The following RPL28 variants were observed in gnomAD, a reference collection of about 807,000 sequenced individuals.
The protein encoded by RPL28 is large ribosomal subunit protein eL28.
A neutral mutation model predicts 12.5 loss-of-function variants in RPL28; 4 were observed. That is an observed-to-expected ratio of 0.32 (90% CI 0.16 to 0.73). The LOEUF (loss-of-function observed/expected upper bound fraction) is 0.73. Among genes scored for constraint, RPL28 ranks in the 30% least tolerant of loss-of-function variants. RPL28 has a pLI of 0.66. For missense variants in RPL28, 214 were observed against 197.7 expected (o/e 1.08, Z -0.49); for synonymous variants, 91 against 72.5 (o/e 1.26, Z -1.30).
rs541928032 is a variant in RPL28 at position 55,390,655 on chromosome 19, C to A, written c.*2323C>A. ...CTGTGTGGCCTCCCCTGGTCTCATC[C>A]GTAACACAGCCCAGCTTAGTGGGCC... On this transcript the variant is annotated 3_prime_UTR_variant, in exon 5 of 5. Transcript: ENST00000344063. The A allele has an allele frequency of 4.1e-6, 4 of 985,520 alleles. No homozygotes were observed. The highest frequency in any genetic ancestry group is 3.6e-6 in the Non-Finnish European group (3 of 829,988). 61.0% of individuals were successfully genotyped at this position (985,520 alleles called of 1,614,324 possible).
At position 55,387,405 on chromosome 19, in the gene RPL28, C is replaced by T. The variant is rs996005051; in HGVS notation, c.206-525C>T. 165 of 1,547,356 alleles carry T rather than the reference C, an allele frequency of 1.1e-4. 1 individual carries two copies. Among genetic ancestry groups the T allele is most frequent in the Non-Finnish European group, 1.4e-4 (162 of 1,145,144 alleles). Reference sequence around the variant, plus strand: ...CCTCCTGTCTCAGGGACACGTAGTCCAGGGAGCAGCCAATTGCTTGGCACT... The same window carrying T: ...CCTCCTGTCTCAGGGACACGTAGTCTAGGGAGCAGCCAATTGCTTGGCACT... On this transcript the variant is annotated intron_variant, in intron 3 of 4. Coordinates refer to ENST00000344063, the MANE Select transcript of RPL28 (RefSeq NM_000991.5).
intron 4 of RPL28, among the ~76,000 whole-genome samples, chr19:55,398,654 C>G (rs1221987767): frequency 1.3e-5 from 2 of 151,974 alleles, no homozygotes; most frequent in Non-Finnish European, 2.9e-5. Context: ...ATGTTTTTTT[C>G]TTATTCGTTT....
In RPL28 at chr19:55,386,553, T is replaced by G. The variant is rs1444403542; in HGVS notation, c.82-17T>G. On this transcript the variant is annotated splice_polypyrimidine_tract_variant and intron_variant, in intron 2 of 4. Transcript: ENST00000344063. ...CGGGTCCCTTATTCACGATGCCTTG[T>G]GCCGCCTCCTTCCCAGGAGCCCAAT... 6.2e-7 allele frequency: 1 copy of G among 1,602,468 alleles called. No individual in the cohort carries two copies. The highest frequency in any genetic ancestry group is 8.5e-7 in the Non-Finnish European group (1 of 1,170,372).
Position 55,388,295 on chromosome 19 carries a change from T to C in RPL28, c.377T>C (p.Val126Ala). 1 of 1,584,246 alleles carries C rather than the reference T, an allele frequency of 6.3e-7. No homozygotes were observed. The highest frequency in any genetic ancestry group is 8.6e-7 in the Non-Finnish European group (1 of 1,165,696). The stretch of plus-strand genomic sequence containing the variant: ...CTGCGCAGCCAGAAGCCTGTGATGG[T>C]GAAGAGGAAGCGGACCCGCCCCACC... Reference protein sequence around the residue: ...AILRSQKPVMVKRKRTRPTKS... With the variant: ...AILRSQKPVMAKRKRTRPTKS... The change falls in exon 5 of 5, where the codon GTG becomes GCG. Residue 126 changes from valine (V) to alanine (A), a missense_variant. By Grantham distance (64) the Val-to-Ala change is moderately conservative. Transcript: ENST00000344063.
Position 55,388,571 on chromosome 19 carries a change from GT to G in RPL28, c.*242del. 1.6e-6 allele frequency: 2 copies of G among 1,250,158 alleles called. No homozygotes were observed. The highest frequency in any genetic ancestry group is 2.0e-6 in the Non-Finnish European group (2 of 997,676). 77.4% of individuals were successfully genotyped at this position (1,250,158 alleles called of 1,614,324 possible). ...AAGGGTCACTGTCTTCACAGAAAAA[GT>G]TTGCTGACTTGTGATTGAGACCTAC... On this transcript the variant is annotated 3_prime_UTR_variant, in exon 5 of 5. Coordinates refer to ENST00000344063, the MANE Select transcript of RPL28 (RefSeq NM_000991.5).
At chr19:55,387,614 G>A in intron 3 of RPL28, 5 of 1,397,266 alleles carry the variant, frequency 3.6e-6, no homozygotes, top group Non-Finnish European at 4.6e-6. Flanking sequence ...CCCATTGCCA[G>A]GAGCGTGGGC....
At chr19:55,395,675 C>T (rs901439642), downstream of RPL28, among the ~76,000 whole-genome samples, 13 of 147,638 alleles carry the variant, frequency 8.8e-5, no homozygotes, top group Admixed American at 5.4e-4. Context: ...AATCTCCTGA[C>T]CTTGTGATCT....
At position 55,389,672 on chromosome 19, in the gene RPL28, G is replaced by A. The variant is rs116824796; in HGVS notation, c.*1340G>A. 9.0e-4 allele frequency: 891 copies of A among 985,548 alleles called. 5 individuals are homozygous for A. The African/African-American group carries it at 0.014, about 15-fold the overall frequency. 61.1% of individuals were successfully genotyped at this position (985,548 alleles called of 1,614,324 possible). A position where few individuals can be genotyped will look rare whatever the true frequency, so the allele number is the denominator to read the frequency against. ...TGTCTGCTCCAGTCTTGCCCAGCTC[G>A]AAGGAGAGCAGATCTGACCACTTGC... On this transcript the variant is annotated 3_prime_UTR_variant, in exon 5 of 5. Transcript: ENST00000344063.
downstream of RPL28, among the ~76,000 whole-genome samples, chr19:55,396,558 CTCCCCTCCCCT>C: frequency 1.0e-4 from 1 of 9,684 alleles, no homozygotes; most frequent in Non-Finnish European, 2.4e-4. Context: ...CTCCCCTCCC[CTCCCCTCCCCT>C]CCCCATCCCT....
At chr19:55,403,180 A>T (rs569780521) in exon 5 of RPL28, 240 of 671,602 alleles carry the variant, frequency 3.6e-4, no homozygotes, top group Middle Eastern at 1.6e-3. Context: ...TGGGGGGCAA[A>T]ATCACCTCTG....
exon 5 of RPL28, chr19:55,403,070 A>G (rs2090073178): frequency 7.6e-7 from 1 of 1,314,272 alleles, no homozygotes; most frequent in Admixed American, 2.0e-5. Flanking sequence ...CGTACGCTGC[A>G]GGATTTGGGC....
rs942016759 is a variant in RPL28, at chr19:55,389,568, G to A, written c.*1236G>A. ...AGAGTAAGGGGACTGTCAGGGCCTC[G>A]ACTTGCCATTGGTTGGGGTCGTACG... On this transcript the variant is annotated 3_prime_UTR_variant, in exon 5 of 5. Coordinates refer to ENST00000344063, the MANE Select transcript of RPL28 (RefSeq NM_000991.5). 21 of 985,318 alleles carry A rather than the reference G, an allele frequency of 2.1e-5. No individual in the cohort carries two copies. The highest frequency in any genetic ancestry group is 9.4e-5 in the South Asian group (2 of 21,288). 61.0% of individuals were successfully genotyped at this position (985,318 alleles called of 1,614,324 possible).
chr19:55,402,242 G>A (rs113500830), intron 4 of RPL28, among the ~76,000 whole-genome samples: 293 of 152,324 alleles, frequency 1.9e-3, no homozygotes, highest in African/African-American at 6.7e-3. Context: ...TCACACCTGC[G>A]TGTTGGACTC....
At position 55,389,631 on chromosome 19, in the gene RPL28, C is replaced by T; in HGVS notation, c.*1299C>T. 1.0e-6 allele frequency: 1 copy of T among 985,538 alleles called. No homozygotes were observed. Among genetic ancestry groups the T allele is most frequent in the Non-Finnish European group, 1.2e-6 (1 of 830,000 alleles). The allele number at this position is 985,538 out of a possible 1,614,324, so 61.0% of individuals were successfully genotyped here. ...CTGCGTTTTGAGGCAGACCACTGCC[C>T]TTCCGACCTCAGTCCTGTCTGCTCC... On this transcript the variant is annotated 3_prime_UTR_variant, in exon 5 of 5. Transcript: ENST00000344063.
chr19:55,401,289 T>A (rs2090055722), intron 4 of RPL28: 1 of 908,300 alleles, frequency 1.1e-6, no homozygotes, highest in African/African-American at 1.7e-5. Context: ...AAGCTGCTTT[T>A]CCAACTTTAT....
At chr19:55,393,219 C>A (rs2090002255), downstream of RPL28, among the ~76,000 whole-genome samples, 1 of 149,294 alleles carries the variant, frequency 6.7e-6, no homozygotes, top group South Asian at 2.1e-4. Flanking sequence ...ATAAATGAGA[C>A]CTGTCATCCT....
Position 55,390,020 on chromosome 19 carries a change from CT to C in RPL28, c.*1689del. The C allele has an allele frequency of 1.0e-6, 1 of 985,516 alleles. No individual in the cohort carries two copies. Among genetic ancestry groups the C allele is most frequent in the Non-Finnish European group, 1.2e-6 (1 of 829,960 alleles). 61.0% of individuals were successfully genotyped at this position (985,516 alleles called of 1,614,324 possible). On this transcript the variant is annotated 3_prime_UTR_variant, in exon 5 of 5. Coordinates refer to ENST00000344063, the MANE Select transcript of RPL28 (RefSeq NM_000991.5). ...GGCCCCTTCTCGTGAGGCCTCTCCC[CT>C]GGCACCTGCTTCAGTTGTCCTCCAC...
chr19:55,387,478 G>A, intron 3 of RPL28: 1 of 1,469,264 alleles, frequency 6.8e-7, no homozygotes, highest in Non-Finnish European at 9.0e-7. Context: ...CTCTTGGATT[G>A]CCGAATACAT....
At chr19:55,398,069 G>T (rs774299723) in intron 4 of RPL28, among the ~76,000 whole-genome samples, 7 of 152,096 alleles carry the variant, frequency 4.6e-5, no homozygotes, top group Non-Finnish European at 1.0e-4. Context: ...GGTGGCACAC[G>T]CCTGTAATCC....
Sources: allele counts gnomAD v4.1 joint callset (sites outside exome capture counted in the v4.1 genomes callset), GRCh38; gene constraint gnomAD v4.1.1; transcripts MANE v1.5; gene names NCBI Gene and HGNC (gene_info 2026-07-23, HGNC 2026-07-21).